The following ZMYND11 variants were observed in gnomAD, a reference collection of about 807,000 sequenced individuals.
ZMYND11 encodes zinc finger MYND domain-containing protein 11.
Under a neutral mutation model 84.9 loss-of-function variants are expected in ZMYND11, and 9 were observed. That is an observed-to-expected ratio of 0.11 (90% confidence interval 0.06 to 0.18). ZMYND11 has a LOEUF of 0.18. ZMYND11 is among the 10% of genes least tolerant of loss of function. ZMYND11 has a pLI of 1.00. For missense variants in ZMYND11, 409 were observed against 761.0 expected (o/e 0.54, Z 5.44); for synonymous variants, 250 against 244.1 (o/e 1.02, Z -0.23).
chr10:145,260 G>A (rs970635444), intron 1 of ZMYND11, among the ~76,000 whole-genome samples: 11 of 149,890 alleles, frequency 7.3e-5, no homozygotes, highest in African/African-American at 2.5e-4. Context: ...ATATATATAT[G>A]TATATATATA....
rs148534600 is a variant in ZMYND11 at position 137,676 on chromosome 10, C to T, written c.-20+2117C>T. Among the ~76,000 whole-genome samples, 708 of 152,144 alleles carry T rather than the reference C, an allele frequency of 4.7e-3. 5 individuals are homozygous for T. Among genetic ancestry groups the T allele is most frequent in the African/African-American group, 0.016 (676 of 41,520 alleles). On this transcript the variant is annotated intron_variant, in intron 1 of 14. Coordinates refer to ENST00000381604, the MANE Select transcript of ZMYND11 (RefSeq NM_001370100.5). Reference sequence around the variant, plus strand: ...TCATCTTTGTAGTTTTTCTGAATGTCTTTTTACAAGCAGGAGAAAAAATAT... The same window carrying T: ...TCATCTTTGTAGTTTTTCTGAATGTTTTTTTACAAGCAGGAGAAAAAATAT...
upstream of ZMYND11, among the ~76,000 whole-genome samples, chr10:132,984 C>T (rs531327822): frequency 6.6e-6 from 1 of 152,196 alleles, no homozygotes; most frequent in Non-Finnish European, 1.5e-5. Context: ...ACTAGCACAG[C>T]AATTAGTTAC....
At chr10:186,205 G>T (rs1938376029) in intron 2 of ZMYND11, among the ~76,000 whole-genome samples, 1 of 151,576 alleles carries the variant, frequency 6.6e-6, no homozygotes, top group Non-Finnish European at 1.5e-5. Flanking sequence ...TAGAGACGGG[G>T]TTTCACTGTG....
rs1835784089 is a variant in ZMYND11 at position 135,635 on chromosome 10, C to A, written c.-20+76C>A. The A allele has an allele frequency of 6.7e-6, 1 of 149,164 alleles. No homozygotes were observed. Among genetic ancestry groups the A allele is most frequent in the African/African-American group, 2.5e-5 (1 of 40,684 alleles). 9.2% of individuals were successfully genotyped at this position (149,164 alleles called of 1,614,324 possible). On this transcript the variant is annotated intron_variant, in intron 1 of 14. Coordinates refer to ENST00000381604, the MANE Select transcript of ZMYND11 (RefSeq NM_001370100.5). This position sits in a 1 kb window ranked among gnomAD's most constrained non-coding sequence, Gnocchi z 5.6. ...AGATGGCGCGGCCCGCGCGGTGGAG[C>A]CTGCCTGGCCGCGGCCTCTGGGGCG...
intron 1 of ZMYND11, among the ~76,000 whole-genome samples, chr10:161,429 T>C (rs1358274199): frequency 6.6e-6 from 1 of 152,194 alleles, no homozygotes; most frequent in Non-Finnish European, 1.5e-5. Context: ...TTCAGAATGG[T>C]AAATGAGCAT....
chr10:249,267 G>C (rs1952830979), intron 14 of ZMYND11, 179 bp downstream of exon 14: 1 of 1,441,578 alleles, frequency 6.9e-7, no homozygotes, highest in East Asian at 2.5e-5. Flanking sequence ...CTCAACCCCA[G>C]ATCCCATATT....
At chr10:240,448 G>C (rs1950687990) in intron 8 of ZMYND11, among the ~76,000 whole-genome samples, 1 of 152,224 alleles carries the variant, frequency 6.6e-6, no homozygotes, top group South Asian at 2.1e-4. Flanking sequence ...AGGTTGCAGT[G>C]AGCCAAGATT....
chr10:237,059 T>C (rs1366765880), intron 5 of ZMYND11, 144 bp downstream of exon 5: 4 of 732,640 alleles, frequency 5.5e-6, no homozygotes, highest in Non-Finnish European at 8.6e-6. Flanking sequence ...GTCATATTTC[T>C]TTTTTGCAGT....
intron 1 of ZMYND11, among the ~76,000 whole-genome samples, chr10:172,015 G>T (rs1845441419): frequency 6.6e-6 from 1 of 152,208 alleles, no homozygotes. Context: ...TCTGGTAAGG[G>T]TTACTCTGCT....
intron 4 of ZMYND11, among the ~76,000 whole-genome samples, chr10:224,799 T>C (rs1375012067): frequency 6.6e-6 from 1 of 152,194 alleles, no homozygotes; most frequent in East Asian, 1.9e-4. Context: ...CAGTTCCTCA[T>C]GTAGCAGGTG....
At chr10:192,208 C>A (rs1940623910) in intron 2 of ZMYND11, among the ~76,000 whole-genome samples, 1 of 152,114 alleles carries the variant, frequency 6.6e-6, no homozygotes, top group Admixed American at 6.6e-5. Flanking sequence ...TCCAGTTATA[C>A]AAATGAAGAA....
chr10:151,868 T>A (rs7919991), intron 1 of ZMYND11, among the ~76,000 whole-genome samples: 1 of 152,142 alleles, frequency 6.6e-6, no homozygotes, highest in Non-Finnish European at 1.5e-5. Context: ...GCTGATCTCT[T>A]GGCAGAAACT....
At chr10:227,218 A>C (rs1311417174) in intron 4 of ZMYND11, among the ~76,000 whole-genome samples, 1 of 152,208 alleles carries the variant, frequency 6.6e-6, no homozygotes, top group Non-Finnish European at 1.5e-5. Context: ...CATGTTCTTA[A>C]GCAAGAGAGC....
chr10:191,593 T>C (rs945267277), intron 2 of ZMYND11, among the ~76,000 whole-genome samples: 2 of 152,218 alleles, frequency 1.3e-5, no homozygotes, highest in African/African-American at 4.8e-5. Context: ...AATGCTGTTG[T>C]AGGTTTTGAA....
chr10:178,294 C>T (rs1180665587), intron 1 of ZMYND11, among the ~76,000 whole-genome samples: 1 of 152,194 alleles, frequency 6.6e-6, no homozygotes, highest in Non-Finnish European at 1.5e-5. Context: ...GTGTCTAGCA[C>T]AGTGCCTTAG....
chr10:185,829 C>CA (rs1167212052), intron 2 of ZMYND11, among the ~76,000 whole-genome samples: 6 of 109,552 alleles, frequency 5.5e-5, no homozygotes, highest in South Asian at 6.2e-4. Flanking sequence ...AACAAAAAAA[C>CA]AAAAAAACAA....
Position 240,893 on chromosome 10 carries a change from C to G in ZMYND11, c.754C>G (p.Leu252Val), listed in dbSNP as rs1412497304. 6.2e-7 allele frequency: 1 copy of G among 1,611,864 alleles called. No homozygotes were observed. The highest frequency in any genetic ancestry group is 8.5e-7 in the Non-Finnish European group (1 of 1,179,274). Residue 252 changes from leucine to valine, a missense_variant and splice_region_variant, in exon 9 of 15, where the codon CTG (leucine) becomes GTG (valine). Physicochemically the swap from Leu to Val is conservative, Grantham distance 32. This residue lies in a region of ZMYND11 where 59 missense variants were observed against 151.0 expected (regional missense o/e 0.39). Transcript: ENST00000381604. ...RMLYKDTCHE[L>V]DELQLCKNCF... Reference sequence around the variant, plus strand: ...TAAAGTAGTTTCTTTTCTTTTTCAGCTGGATGAACTGCAGCTTTGCAAGAA... The same window carrying G: ...TAAAGTAGTTTCTTTTCTTTTTCAGGTGGATGAACTGCAGCTTTGCAAGAA...
chr10:242,445 A>C (rs1157137190), intron 10 of ZMYND11, among the ~76,000 whole-genome samples: 1 of 152,138 alleles, frequency 6.6e-6, no homozygotes, highest in Non-Finnish European at 1.5e-5. Flanking sequence ...ATGGTAATGG[A>C]ATTACCATTA....
At chr10:217,726 A>G (rs948333460) in intron 3 of ZMYND11, among the ~76,000 whole-genome samples, 1 of 152,150 alleles carries the variant, frequency 6.6e-6, no homozygotes, top group Non-Finnish European at 1.5e-5. Flanking sequence ...CTGTCTGCGT[A>G]TTGACTCATG....
Sources: allele counts gnomAD v4.1 joint callset (sites outside exome capture counted in the v4.1 genomes callset), GRCh38; gene constraint gnomAD v4.1.1; regional missense constraint gnomAD v4.1.1; non-coding constraint Gnocchi (gnomAD v3.1); transcripts MANE v1.5; gene names NCBI Gene and HGNC (gene_info 2026-07-23, HGNC 2026-07-21).